The following MACC1 variants were observed in gnomAD, a reference collection of about 807,000 sequenced individuals.
MACC1 encodes MET transcriptional regulator MACC1, also known as metastasis-associated in colon cancer protein 1.
MACC1 carries 79 observed loss-of-function variants against 70.7 expected under a neutral mutation model. That is an observed-to-expected ratio of 1.12 (90% CI 0.93 to 1.35). The LOEUF (loss-of-function observed/expected upper bound fraction) is 1.35, where lower values mean the gene tolerates loss of function less well. MACC1 is among the 40% of genes most tolerant of loss of function. The pLI is 0.00. For synonymous variants in MACC1, 361 were observed against 347.2 expected, an observed-to-expected ratio of 1.04 and a Z score of -0.44; for missense variants, 1,106 against 978.1, an observed-to-expected ratio of 1.13 and a Z score of -1.74.
At chr7:20,163,939 T>C (rs1292727764) in intron 3 of MACC1, among the ~76,000 whole-genome samples, 2 of 152,208 alleles carry the variant, frequency 1.3e-5, no homozygotes, top group Non-Finnish European at 2.9e-5. Flanking sequence ...ATTATCATTA[T>C]TTGTTTATTT....
chr7:20,181,080 CTGTGTGTG>C (rs59476252), intron 1 of MACC1, among the ~76,000 whole-genome samples: 1 of 149,080 alleles, frequency 6.7e-6, no homozygotes, highest in African/African-American at 2.5e-5. Context: ...TGTATGTGCT[CTGTGTGTG>C]TGTGTGTGTG....
intron 1 of MACC1, among the ~76,000 whole-genome samples, chr7:20,204,052 A>T: frequency 6.6e-6 from 1 of 152,230 alleles, no homozygotes; most frequent in Non-Finnish European, 1.5e-5. Flanking sequence ...TTTTAATTAT[A>T]CAGAAGAATT....
At position 20,140,635 on chromosome 7, in the gene MACC1, A is replaced by G. The variant is rs1250086867; in HGVS notation, c.*311T>C. 1 of 248,614 alleles carries G rather than the reference A, an allele frequency of 4.0e-6. No individual in the cohort carries two copies. The highest frequency in any genetic ancestry group is 7.6e-6 in the Non-Finnish European group (1 of 131,904). 15.4% of individuals were successfully genotyped at this position (248,614 alleles called of 1,614,324 possible). On this transcript the variant is annotated 3_prime_UTR_variant, in exon 7 of 7. Transcript: ENST00000400331. ...CACTTTTCTTTTTTCTTTCCTTTCT[A>G]AGAACAAAGCAGCCTAATACTTGTA...
At chr7:20,182,583 G>C (rs929858017) in intron 1 of MACC1, among the ~76,000 whole-genome samples, 1 of 152,084 alleles carries the variant, frequency 6.6e-6, no homozygotes, top group African/African-American at 2.4e-5. Context: ...TGTCTTGCTG[G>C]ACCATATATA....
chr7:20,161,804 T>G lies in MACC1; in HGVS notation c.59A>C (p.Glu20Ala). The G allele has an allele frequency of 6.2e-7, 1 of 1,612,696 alleles. No individual in the cohort carries two copies. The highest frequency in any genetic ancestry group is 1.1e-5 in the South Asian group (1 of 91,022). Residue 20 changes from glutamate to alanine, a missense_variant, in exon 4 of 7, where the codon GAA becomes GCA. Transcript: ENST00000400331. The part of the protein sequence containing the change: ...RSGRIAQSMS[E>A]ANLIDMEAGK... ...AGCTTCCATGTCAATCAAATTTGCT[T>G]CAGACATACTTTGTGCAATTCTTCC...
At chr7:20,182,185 C>G (rs1043827309) in intron 1 of MACC1, among the ~76,000 whole-genome samples, 1 of 94,196 alleles carries the variant, frequency 1.1e-5, no homozygotes, top group Admixed American at 1.6e-4. Flanking sequence ...CCACTGGGGA[C>G]TGTTGTGGGG....
rs1348637112 is a variant in MACC1 at position 20,160,168 on chromosome 7, T to G, written c.193A>C (p.Asn65His). The G allele has an allele frequency of 6.2e-6, 10 of 1,611,348 alleles. No individual in the cohort carries two copies. The highest frequency in any genetic ancestry group is 1.3e-5 in the African/African-American group (1 of 74,716). ...LRGNNASKVA[N>H]PFWNQLSASN... ...GCAGACAGTTGATTCCAGAATGGATTTGCAACTTTGGAAGCATTATTACCA... is the reference window on the plus strand; with the variant it reads ...GCAGACAGTTGATTCCAGAATGGATGTGCAACTTTGGAAGCATTATTACCA... The change falls in exon 5 of 7, where the codon AAT (asparagine) becomes CAT (histidine). Residue 65 changes from asparagine to histidine, a missense_variant. Asn to His is a moderately conservative substitution (Grantham distance 68). Coordinates refer to ENST00000400331, the MANE Select transcript of MACC1 (RefSeq NM_182762.4).
intron 6 of MACC1, among the ~76,000 whole-genome samples, chr7:20,145,895 C>T (rs1781882794): frequency 6.6e-6 from 1 of 152,082 alleles, no homozygotes; most frequent in Non-Finnish European, 1.5e-5. Context: ...GGTGGTGGCT[C>T]ACGCAAGTAA....
intron 1 of MACC1, among the ~76,000 whole-genome samples, chr7:20,189,750 AACACAC>A (rs72116191): frequency 1.7e-5 from 2 of 117,702 alleles, no homozygotes; most frequent in Admixed American, 8.9e-5. Context: ...CAAACACATA[AACACAC>A]ACACACACAC....
At chr7:20,160,505 CAAAT>C (rs889560005) in intron 4 of MACC1, among the ~76,000 whole-genome samples, 1 of 152,122 alleles carries the variant, frequency 6.6e-6, no homozygotes, top group South Asian at 2.1e-4. Flanking sequence ...ATAAACTAAA[CAAAT>C]AAATATTTAA....
rs767548842 is a variant in MACC1 at position 20,159,313 on chromosome 7, C to T, written c.1048G>A (p.Ala350Thr). The part of the protein sequence containing the change: ...LSQVMYLVVA[A>T]QAKALPSPAA... ...GGTGACGGAAGAGCTTTAGCTTGTG[C>T]AGCAACCACTAGATACATTACCTGA... Residue 350 changes from alanine to threonine, a missense_variant, in exon 5 of 7, where the codon GCA becomes ACA. Ala to Thr is a moderately conservative substitution (Grantham distance 58, BLOSUM62 0). Transcript: ENST00000400331. 24 of 1,614,056 alleles carry T rather than the reference C, an allele frequency of 1.5e-5. No individual in the cohort carries two copies. In the South Asian group the frequency reaches 2.6e-4, roughly 18 times the overall value.
chr7:20,205,362 T>C (rs902958389), intron 1 of MACC1, among the ~76,000 whole-genome samples: 2 of 152,222 alleles, frequency 1.3e-5, no homozygotes, highest in African/African-American at 4.8e-5. Flanking sequence ...TCTTAAAATA[T>C]ATTTTCCAGG....
chr7:20,154,714 G>C (rs1214965472), intron 5 of MACC1, among the ~76,000 whole-genome samples: 1 of 152,094 alleles, frequency 6.6e-6, no homozygotes, highest in Non-Finnish European at 1.5e-5. Context: ...ATGGTACTCT[G>C]AAGTTCCGGC....
chr7:20,147,834 T>C (rs1201078259), intron 6 of MACC1, among the ~76,000 whole-genome samples: 2 of 152,174 alleles, frequency 1.3e-5, no homozygotes, highest in Non-Finnish European at 2.9e-5. Context: ...TCTGCTTAAA[T>C]AGTCTAACAT....
chr7:20,215,616 G>C (rs1191726019), intron 1 of MACC1, among the ~76,000 whole-genome samples: 1 of 152,154 alleles, frequency 6.6e-6, no homozygotes. Flanking sequence ...AATGCTGGTT[G>C]TTATCACCTT....
chr7:20,181,106 G>GTA (rs1355165750), intron 1 of MACC1, among the ~76,000 whole-genome samples: 1 of 148,226 alleles, frequency 6.7e-6, no homozygotes. Flanking sequence ...GTGTGTGTGT[G>GTA]TATAATTAAC....
chr7:20,212,280 G>C (rs966201726), intron 1 of MACC1, among the ~76,000 whole-genome samples: 5 of 152,180 alleles, frequency 3.3e-5, no homozygotes, highest in African/African-American at 1.2e-4. Flanking sequence ...TGTCTTCCCA[G>C]TGGAAATAGA....
At chr7:20,166,132 T>C (rs1782214298) in intron 2 of MACC1, among the ~76,000 whole-genome samples, 1 of 152,204 alleles carries the variant, frequency 6.6e-6, no homozygotes, top group Non-Finnish European at 1.5e-5. Context: ...GTTCAAAGTA[T>C]TTTTCAGTTA....
intron 1 of MACC1, among the ~76,000 whole-genome samples, chr7:20,204,920 C>G (rs78219425): frequency 0.013 from 1,951 of 152,172 alleles, 38 homozygotes; most frequent in African/African-American, 0.044. Context: ...CATTTTTTAA[C>G]TAGGAAAGGA....
Sources: allele counts gnomAD v4.1 joint callset (sites outside exome capture counted in the v4.1 genomes callset), GRCh38; gene constraint gnomAD v4.1.1; transcripts MANE v1.5; gene names NCBI Gene and HGNC (gene_info 2026-07-23, HGNC 2026-07-21).